The following EYA1 variants were observed in gnomAD, a reference collection of about 807,000 sequenced individuals.
EYA1 encodes the protein protein phosphatase EYA1.
In EYA1, 16 loss-of-function variants were observed where a neutral mutation model predicts 82.0. The observed-to-expected ratio is 0.20, with a 90% confidence interval of 0.13 to 0.30. The LOEUF is 0.30. Ranked by LOEUF, EYA1 falls within the 10% of genes least tolerant of loss-of-function variation. EYA1 has a pLI of 1.00. For missense variants in EYA1, 633 were observed against 730.7 expected (o/e 0.87, Z 1.54); for synonymous variants, 261 against 264.4 (o/e 0.99, Z 0.12).
upstream of EYA1, among the ~76,000 whole-genome samples, chr8:71,366,610 C>T (rs1563540192): frequency 6.6e-6 from 1 of 152,226 alleles, no homozygotes; most frequent in South Asian, 2.1e-4. Context: ...TTTTTAAATT[C>T]TTCGGAAACA....
rs139263954 is a variant in EYA1 at position 71,280,295 on chromosome 8, G to GTAA, written c.827-8399_827-8398insTTA. ...GACCCTACCATTGTCAAGCCATGCTGTTTACTATGTAAGAAAACCAGGAAA... is the reference window on the plus strand; with the variant it reads ...GACCCTACCATTGTCAAGCCATGCTGTAATTTACTATGTAAGAAAACCAGGAAA... On this transcript the variant is annotated intron_variant, in intron 9 of 17. Transcript: ENST00000340726. Among the ~76,000 whole-genome samples the GTAA allele has an allele frequency of 2.2e-4, 33 of 152,282 alleles. No individual in the cohort carries two copies. The East Asian group carries it at 6.0e-3, about 28-fold the overall frequency.
intron 12 of EYA1, among the ~76,000 whole-genome samples, chr8:71,227,118 G>A (rs1810655719): frequency 6.6e-6 from 1 of 152,022 alleles, no homozygotes; most frequent in Admixed American, 6.6e-5. Context: ...CTGAATTAAT[G>A]TGTAAGCTAA....
At chr8:71,230,174 A>G (rs1811026040) in intron 12 of EYA1, among the ~76,000 whole-genome samples, 1 of 152,156 alleles carries the variant, frequency 6.6e-6, no homozygotes, top group South Asian at 2.1e-4. Flanking sequence ...CAACCTTAAA[A>G]AATAAAAAAA....
intron 2 of EYA1, among the ~76,000 whole-genome samples, chr8:71,505,290 T>A (rs1812116297): frequency 6.6e-6 from 1 of 152,210 alleles, no homozygotes; most frequent in African/African-American, 2.4e-5. Context: ...ACTAGGCGAT[T>A]CTTATTAACA....
chr8:71,225,207 C>T (rs1810411276), intron 12 of EYA1: 1 of 456,114 alleles, frequency 2.2e-6, no homozygotes, highest in South Asian at 1.5e-5. Context: ...CAAGCCCTCA[C>T]TGTGCTTTCA....
At chr8:71,348,759 C>T (rs1826008516) in intron 3 of EYA1, among the ~76,000 whole-genome samples, 1 of 152,192 alleles carries the variant, frequency 6.6e-6, no homozygotes, top group Non-Finnish European at 1.5e-5. Flanking sequence ...CCTTGCTGAT[C>T]CTAGAACATC....
intron 17 of EYA1, 103 bp from the exon 18 acceptor site, chr8:71,199,523 A>G: frequency 1.4e-6 from 1 of 740,616 alleles, no homozygotes; most frequent in Admixed American, 2.0e-5. Flanking sequence ...TTTCAGTATC[A>G]TTGAAATGCC....
intron 1 of EYA1, among the ~76,000 whole-genome samples, chr8:71,541,411 T>G (rs2129291658): frequency 6.6e-6 from 1 of 152,334 alleles, no homozygotes; most frequent in Middle Eastern, 3.4e-3. Context: ...ATGATCAAAT[T>G]TCTGCTTCTA....
Position 71,475,158 on chromosome 8 carries a change from G to C in EYA1, c.33+60586C>G, listed in dbSNP as rs542507361. 2.0e-5 allele frequency among the ~76,000 whole-genome samples: 3 copies of C among 152,166 alleles called. No individual in the cohort carries two copies. In the South Asian group the frequency reaches 6.2e-4, roughly 32 times the overall value. On this transcript the variant is annotated intron_variant, in intron 2 of 18. Transcript: ENST00000643681. ...AAAAATAAATAAATAGAAAAGAATG[G>C]AGTAGATATTCATGTGTTAACATGG...
At chr8:71,343,786 C>T (rs1206288197) in intron 3 of EYA1, among the ~76,000 whole-genome samples, 1 of 152,192 alleles carries the variant, frequency 6.6e-6, no homozygotes, top group Non-Finnish European at 1.5e-5. Context: ...TCAACTTTCA[C>T]ACAAGGGCAG....
intron 2 of EYA1, among the ~76,000 whole-genome samples, chr8:71,444,469 G>C (rs1181396463): frequency 6.6e-6 from 1 of 152,202 alleles, no homozygotes; most frequent in Non-Finnish European, 1.5e-5. Flanking sequence ...ACCTAGAAAG[G>C]TTTTAAGTGG....
intron 2 of EYA1, among the ~76,000 whole-genome samples, chr8:71,441,573 A>G (rs1407912785): frequency 6.6e-6 from 1 of 152,226 alleles, no homozygotes; most frequent in Non-Finnish European, 1.5e-5. Context: ...GCAACATAGT[A>G]TGGTATATAA....
chr8:71,358,507 TA>T (rs1467631272), intron 1 of EYA1, among the ~76,000 whole-genome samples: 1 of 152,206 alleles, frequency 6.6e-6, no homozygotes, highest in African/African-American at 2.4e-5. Flanking sequence ...AAAATAACTT[TA>T]AAACAACTAA....
At chr8:71,264,480 C>A (rs1468588629) in intron 11 of EYA1, among the ~76,000 whole-genome samples, 1 of 152,110 alleles carries the variant, frequency 6.6e-6, no homozygotes, top group Non-Finnish European at 1.5e-5. Flanking sequence ...TAGAGAGCAA[C>A]TACAAGTTCA....
chr8:71,299,621 C>G lies in EYA1; in HGVS notation c.639+17G>C, dbSNP rs199791692. ...TTAAAGATATTTTTCAGAAGTTAAA[C>G]TGGCTTTTTAAATTACCTGCTGTGA... On this transcript the variant is annotated intron_variant, in intron 8 of 17. Coordinates refer to ENST00000340726, the MANE Select transcript of EYA1 (RefSeq NM_000503.6). The G allele has an allele frequency of 1.2e-4, 172 of 1,429,044 alleles. 1 individual carries two copies. The East Asian group carries it at 3.6e-3, about 30-fold the overall frequency. The allele number at this position is 1,429,044 out of a possible 1,614,324, so 88.5% of individuals were successfully genotyped here.
intron 2 of EYA1, among the ~76,000 whole-genome samples, chr8:71,457,140 G>T (rs191140930): frequency 6.6e-6 from 1 of 152,196 alleles, no homozygotes; most frequent in Non-Finnish European, 1.5e-5. Context: ...CCTTTAGGCA[G>T]CCAACAGACA....
chr8:71,291,186 G>T (rs1017879194), intron 9 of EYA1, among the ~76,000 whole-genome samples: 4 of 152,156 alleles, frequency 2.6e-5, no homozygotes, highest in Non-Finnish European at 4.4e-5. Flanking sequence ...CAAATATCCT[G>T]CATGACAGGG....
intron 2 of EYA1, among the ~76,000 whole-genome samples, chr8:71,396,827 A>G (rs1442133174): frequency 6.6e-6 from 1 of 152,190 alleles, no homozygotes; most frequent in Non-Finnish European, 1.5e-5. Context: ...AGCTGAGTTC[A>G]ATTCCTGGAT....
intron 2 of EYA1, among the ~76,000 whole-genome samples, chr8:71,532,743 G>A (rs1017645921): frequency 6.6e-6 from 1 of 152,154 alleles, no homozygotes; most frequent in Non-Finnish European, 1.5e-5. Flanking sequence ...ACCATTAGCA[G>A]GTGTAATTCT....
Sources: allele counts gnomAD v4.1 joint callset (sites outside exome capture counted in the v4.1 genomes callset), GRCh38; gene constraint gnomAD v4.1.1; transcripts MANE v1.5; gene names NCBI Gene and HGNC (gene_info 2026-07-23, HGNC 2026-07-21).